PCDHGA12: variants seen among roughly 807,000 people sequenced by gnomAD.
PCDHGA12 encodes protocadherin gamma subfamily A, 12.
PCDHGA12 carries 43 observed loss-of-function variants against 61.1 expected under a neutral mutation model. The ratio of observed to expected loss-of-function variants is 0.70; its 90% CI spans 0.55 to 0.91. PCDHGA12 has a LOEUF of 0.91. PCDHGA12 is among the 40% of genes least tolerant of loss of function. The probability of loss-of-function intolerance (pLI) is 0.00; values close to 1 mark genes in which losing one functional copy is unlikely to be tolerated. For missense variants in PCDHGA12, 1,236 were observed against 1,227.7 expected, an observed-to-expected ratio of 1.01 and a Z score of -0.10; for synonymous variants, 520 against 542.9, an observed-to-expected ratio of 0.96 and a Z score of 0.59.
In PCDHGA12 at chr5:141,485,354, G is replaced by C; in HGVS notation, c.2425-9453G>C. 7 of 1,614,176 alleles carry C rather than the reference G, an allele frequency of 4.3e-6. No homozygotes were observed. Among genetic ancestry groups the C allele is most frequent in the Non-Finnish European group, 5.1e-6 (6 of 1,180,024 alleles). Reference sequence around the variant, plus strand: ...CCTGCTGGATACGGACAGTCTGTCAGCTCGCAGGCTGCAGGTCGCTGGAGA... The same window carrying C: ...CCTGCTGGATACGGACAGTCTGTCACCTCGCAGGCTGCAGGTCGCTGGAGA... On this transcript the variant is annotated intron_variant, in intron 1 of 3. Transcript: ENST00000252085. This position sits in a 1 kb window ranked among gnomAD's most constrained non-coding sequence, Gnocchi z 5.7.
At chr5:141,453,206 T>G (rs914064627) in intron 1 of PCDHGA12, among the ~76,000 whole-genome samples, 8 of 152,102 alleles carry the variant, frequency 5.3e-5, no homozygotes, top group African/African-American at 1.9e-4. Context: ...CTCAACCTCG[T>G]GCACTTAAGC....
intron 1 of PCDHGA12, chr5:141,440,744 A>C (rs2098197850): frequency 6.6e-6 from 1 of 152,194 alleles, no homozygotes; most frequent in Non-Finnish European, 1.5e-5. Context: ...CTGCTTGACT[A>C]GGAAAAGCAG....
intron 1 of PCDHGA12, among the ~76,000 whole-genome samples, chr5:141,442,921 CATTTTCTA>C (rs1366534082): frequency 6.6e-6 from 1 of 152,196 alleles, no homozygotes. Context: ...ACAACTGTTT[CATTTTCTA>C]TTTAAGAAAC....
At chr5:141,453,311 A>C (rs2098762053) in intron 1 of PCDHGA12, among the ~76,000 whole-genome samples, 1 of 151,602 alleles carries the variant, frequency 6.6e-6, no homozygotes, top group African/African-American at 2.4e-5. Flanking sequence ...TTATTTATTT[A>C]TTTTAGAGAT....
At chr5:141,499,399 C>A (rs2099791676) in intron 2 of PCDHGA12, among the ~76,000 whole-genome samples, 1 of 152,072 alleles carries the variant, frequency 6.6e-6, no homozygotes, top group Non-Finnish European at 1.5e-5. Flanking sequence ...ATAGTACATG[C>A]TCATTATAGA....
Position 141,433,407 on chromosome 5 carries a change from T to C in PCDHGA12, c.2424+224T>C, listed in dbSNP as rs939103465. Among the ~76,000 whole-genome samples, 537 of 125,956 alleles carry C rather than the reference T, an allele frequency of 4.3e-3. 4 individuals carry two copies. Among genetic ancestry groups the C allele is most frequent in the African/African-American group, 0.016 (523 of 33,156 alleles). The allele number at this position is 125,956 out of a possible 152,430, so 82.6% of individuals were successfully genotyped here. On this transcript the variant is annotated intron_variant, in intron 1 of 3. Coordinates refer to ENST00000252085, the MANE Select transcript of PCDHGA12 (RefSeq NM_003735.3). ...TCTATCTATCTATCTATCTATCTATTACTTTCTTGTACAGACAGGAGTCTC... is the reference window on the plus strand; with the variant it reads ...TCTATCTATCTATCTATCTATCTATCACTTTCTTGTACAGACAGGAGTCTC...
intron 1 of PCDHGA12, chr5:141,478,018 C>T: frequency 1.9e-6 from 3 of 1,614,124 alleles, no homozygotes; most frequent in Non-Finnish European, 2.5e-6. Context: ...CCCGTCCAGT[C>T]CAAGACACAG....
At chr5:141,435,803 T>C (rs551682061) in intron 1 of PCDHGA12, among the ~76,000 whole-genome samples, 1 of 152,178 alleles carries the variant, frequency 6.6e-6, no homozygotes, top group South Asian at 2.1e-4. Context: ...ACGTCCCAAT[T>C]ATTTTTTCTT....
chr5:141,463,364 T>C (rs1166107031), intron 1 of PCDHGA12, among the ~76,000 whole-genome samples: 2 of 150,250 alleles, frequency 1.3e-5, no homozygotes, highest in Admixed American at 6.6e-5. Context: ...TCCCCTTTCC[T>C]GCCCCACAGT....
Position 141,490,520 on chromosome 5 carries a change from G to A in PCDHGA12, c.2425-4287G>A. 1 of 1,614,072 alleles carries A rather than the reference G, an allele frequency of 6.2e-7. No individual in the cohort carries two copies. Among genetic ancestry groups the A allele is most frequent in the Non-Finnish European group, 8.5e-7 (1 of 1,180,014 alleles). ...CACTATATCATCGAGCTGCTGGCCAGCGATGCTGGTTCACCTTCCCTACAC... is the reference window on the plus strand; with the variant it reads ...CACTATATCATCGAGCTGCTGGCCAACGATGCTGGTTCACCTTCCCTACAC... On this transcript the variant is annotated intron_variant, in intron 1 of 3. Coordinates refer to ENST00000252085, the MANE Select transcript of PCDHGA12 (RefSeq NM_003735.3). The surrounding 1 kb of genome is among the most constrained non-coding windows in gnomAD (Gnocchi z 5.4).
chr5:141,485,177 C>T lies in PCDHGA12; in HGVS notation c.2425-9630C>T. ...AGAGAATTAGCGGGCGGCAGCAATG[C>T]TCCGCAAGGTGAGAAGCTGGACAGA... On this transcript the variant is annotated intron_variant, in intron 1 of 3. Coordinates refer to ENST00000252085, the MANE Select transcript of PCDHGA12 (RefSeq NM_003735.3). This position sits in a 1 kb window ranked among gnomAD's most constrained non-coding sequence, Gnocchi z 5.7. 1 of 1,612,024 alleles carries T rather than the reference C, an allele frequency of 6.2e-7. No homozygotes were observed. Among genetic ancestry groups the T allele is most frequent in the South Asian group, 1.1e-5 (1 of 90,956 alleles).
Position 141,485,792 on chromosome 5 carries a change from G to T in PCDHGA12, c.2425-9015G>T, listed in dbSNP as rs114766079. 6.2e-6 allele frequency: 10 copies of T among 1,614,118 alleles called. No individual in the cohort carries two copies. In the Admixed American group the frequency reaches 1.3e-4, roughly 22 times the overall value. ...GCCTTTGGATCGAGAGAAGCAATCG[G>T]ACTACCGCCTGGTGCTGACTGCTGT... On this transcript the variant is annotated intron_variant, in intron 1 of 3. Transcript: ENST00000252085. This position sits in a 1 kb window ranked among gnomAD's most constrained non-coding sequence, Gnocchi z 5.7.
chr5:141,430,604 A>C lies in PCDHGA12; in HGVS notation c.-156A>C, dbSNP rs1288378907. 7.8e-6 allele frequency: 5 copies of C among 641,158 alleles called. No individual in the cohort carries two copies. Among genetic ancestry groups the C allele is most frequent in the Non-Finnish European group, 1.2e-5 (5 of 414,448 alleles). The allele number at this position is 641,158 out of a possible 1,614,324, so 39.7% of individuals were successfully genotyped here. On this transcript the variant is annotated 5_prime_UTR_variant, in exon 1 of 4. Coordinates refer to ENST00000252085, the MANE Select transcript of PCDHGA12 (RefSeq NM_003735.3). ...TGCTCGCCTTGCACGCGCCTGAAGCACAAAGCAGATAGCTAGGAATGAACC... is the reference window on the plus strand; with the variant it reads ...TGCTCGCCTTGCACGCGCCTGAAGCCCAAAGCAGATAGCTAGGAATGAACC...
At chr5:141,504,206 A>G (rs1209911822) in intron 2 of PCDHGA12, among the ~76,000 whole-genome samples, 1 of 152,218 alleles carries the variant, frequency 6.6e-6, no homozygotes, top group African/African-American at 2.4e-5. Flanking sequence ...CTGTGGGAAA[A>G]TTCCAAGTAG....
At chr5:141,457,647 T>C (rs929739178) in intron 1 of PCDHGA12, among the ~76,000 whole-genome samples, 6 of 152,256 alleles carry the variant, frequency 3.9e-5, no homozygotes, top group Non-Finnish European at 8.8e-5. Context: ...ATTATTTGCA[T>C]GAAGTGCAGC....
At chr5:141,459,737 A>T (rs2098974670) in intron 1 of PCDHGA12, among the ~76,000 whole-genome samples, 1 of 152,176 alleles carries the variant, frequency 6.6e-6, no homozygotes, top group African/African-American at 2.4e-5. Flanking sequence ...CAATTTTTTA[A>T]ATTTTAGCAA....
At position 141,492,010 on chromosome 5, in the gene PCDHGA12, G is replaced by A. The variant is rs2099736138; in HGVS notation, c.2425-2797G>A. 2 of 617,370 alleles carry A rather than the reference G, an allele frequency of 3.2e-6. 1 individual carries two copies. Among genetic ancestry groups the A allele is most frequent in the Middle Eastern group, 8.7e-4 (2 of 2,312 alleles). The allele number at this position is 617,370 out of a possible 1,614,324, so 38.2% of individuals were successfully genotyped here. On this transcript the variant is annotated intron_variant, in intron 1 of 3. Transcript: ENST00000252085. Reference sequence around the variant, plus strand: ...GGTGAATTTCGGGCGATTTCCGCGGGTGTCGGGGGTCCCGGGAGGAGGCAG... The same window carrying A: ...GGTGAATTTCGGGCGATTTCCGCGGATGTCGGGGGTCCCGGGAGGAGGCAG...
At chr5:141,474,671 A>G (rs2099352865) in intron 1 of PCDHGA12, among the ~76,000 whole-genome samples, 1 of 152,204 alleles carries the variant, frequency 6.6e-6, no homozygotes, top group South Asian at 2.1e-4. Context: ...TACCTAACCT[A>G]TGTGCCTACC....
Position 141,432,038 on chromosome 5 carries a change from C to G in PCDHGA12, c.1279C>G (p.Arg427Gly), listed in dbSNP as rs202246871. The part of the protein sequence containing the change: ...SYNITVTATD[R>G]GTPPLSTETH... ...CAACATCACAGTGACCGCCACTGAC[C>G]GGGGAACCCCGCCCCTATCCACGGA... The change falls in exon 1 of 4, where the codon CGG becomes GGG. Residue 427 changes from arginine to glycine, a missense_variant. Physicochemically the swap from Arg to Gly is moderately radical, Grantham distance 125. Transcript: ENST00000252085. This position sits in a 1 kb window ranked among gnomAD's most constrained non-coding sequence, Gnocchi z 6.0. 2 of 1,614,190 alleles carry G rather than the reference C, an allele frequency of 1.2e-6. No homozygotes were observed. The highest frequency in any genetic ancestry group is 8.5e-7 in the Non-Finnish European group (1 of 1,180,032).
Sources: allele counts gnomAD v4.1 joint callset (sites outside exome capture counted in the v4.1 genomes callset), GRCh38; gene constraint gnomAD v4.1.1; non-coding constraint Gnocchi (gnomAD v3.1); transcripts MANE v1.5; gene names NCBI Gene and HGNC (gene_info 2026-07-23, HGNC 2026-07-21).